TRPM1: variants seen among roughly 807,000 people sequenced by gnomAD.
TRPM1 encodes TRPM1-203 APA Isoform, Intron 10.
A neutral mutation model predicts 149.4 loss-of-function variants in TRPM1; 113 were observed. The ratio of observed to expected loss-of-function variants is 0.76; its 90% CI spans 0.65 to 0.88. TRPM1 has a LOEUF of 0.88. Ranked by LOEUF, TRPM1 falls within the 40% of genes least tolerant of loss-of-function variation. The pLI is 0.00. For missense variants in TRPM1, 1,976 were observed against 2,038.7 expected (o/e 0.97, Z 0.59); for synonymous variants, 741 against 759.5 (o/e 0.98, Z 0.40).
chr15:31,016,394 T>C (rs999511199), intron 27 of TRPM1, among the ~76,000 whole-genome samples: 3 of 152,332 alleles, frequency 2.0e-5, no homozygotes, highest in Non-Finnish European at 4.4e-5. Flanking sequence ...ATCAGGTTGA[T>C]TATCTTCCTT....
intron 20 of TRPM1, among the ~76,000 whole-genome samples, chr15:31,036,431 T>G (rs566231508): frequency 4.6e-5 from 7 of 151,080 alleles, no homozygotes; most frequent in African/African-American, 1.5e-4. Context: ...GGCAGTTTGG[T>G]TTTTTTTTCT....
At chr15:31,021,939 A>G (rs189032576) in intron 27 of TRPM1, among the ~76,000 whole-genome samples, 3 of 152,302 alleles carry the variant, frequency 2.0e-5, no homozygotes, top group African/African-American at 4.8e-5. Flanking sequence ...ATGGAGGTAG[A>G]CGATATAAAA....
At chr15:31,156,195 CAAAAAAAAAAAAA>C (rs35981768) in intron 1 of TRPM1, among the ~76,000 whole-genome samples, 17 of 36,638 alleles carry the variant, frequency 4.6e-4, no homozygotes, top group Admixed American at 1.9e-3. Flanking sequence ...AGACCTCTGT[CAAAAAAAAAAAAA>C]AAAAAAAAAA....
At chr15:31,070,394 TC>T in intron 3 of TRPM1, 168 bp from the exon 4 acceptor site, 1 of 729,072 alleles carries the variant, frequency 1.4e-6, no homozygotes, top group Non-Finnish European at 2.5e-6. Flanking sequence ...GATGGCCTTT[TC>T]CAGATAATCA....
intron 7 of TRPM1, 107 bp downstream of exon 7, chr15:31,065,969 G>A: frequency 7.3e-7 from 1 of 1,367,610 alleles, no homozygotes; most frequent in Non-Finnish European, 1.0e-6. Flanking sequence ...CTAACAAGAA[G>A]CAAGGTTAAT....
At chr15:31,148,681 G>A (rs1296532500) in intron 1 of TRPM1, among the ~76,000 whole-genome samples, 2 of 152,196 alleles carry the variant, frequency 1.3e-5, no homozygotes, top group Non-Finnish European at 2.9e-5. Context: ...CATCTGTGCA[G>A]ATAAGAACTC....
intron 27 of TRPM1, among the ~76,000 whole-genome samples, chr15:31,023,825 T>C (rs1435924329): frequency 6.6e-6 from 1 of 152,196 alleles, no homozygotes; most frequent in African/African-American, 2.4e-5. Flanking sequence ...CAATGCTGAA[T>C]CGTATTGCAA....
intron 11 of TRPM1, among the ~76,000 whole-genome samples, chr15:31,053,991 A>G (rs894346717): frequency 2.6e-5 from 4 of 152,228 alleles, no homozygotes; most frequent in African/African-American, 9.6e-5. Context: ...CAAAAGGACA[A>G]ATATTACATG....
At chr15:31,114,923 T>C (rs149599258) in intron 1 of TRPM1, among the ~76,000 whole-genome samples, 42 of 152,310 alleles carry the variant, frequency 2.8e-4, no homozygotes, top group African/African-American at 9.9e-4. Context: ...TGGATACCAA[T>C]TGTATAACAG....
rs111924951 is a variant in TRPM1 at position 31,160,670 on chromosome 15, G to A, written c.54+236C>T. ...CCTCCCGGGTTTGCCACAGCCACTC[G>A]AAGGTGGGAGCAACTGAGACCACAG... On this transcript the variant is annotated intron_variant, in intron 1 of 26. Coordinates refer to the TRPM1 transcript ENST00000542188. 6.6e-4 allele frequency among the ~76,000 whole-genome samples: 101 copies of A among 152,356 alleles called. 1 individual carries two copies. Among genetic ancestry groups the A allele is most frequent in the African/African-American group, 2.0e-3 (85 of 41,584 alleles).
At chr15:31,121,527 A>T (rs2035880237) in intron 1 of TRPM1, among the ~76,000 whole-genome samples, 1 of 152,178 alleles carries the variant, frequency 6.6e-6, no homozygotes, top group South Asian at 2.1e-4. Context: ...AAGGATAATA[A>T]AGGAATAACA....
chr15:31,080,879 G>A (rs892933393), intron 2 of TRPM1, among the ~76,000 whole-genome samples: 11 of 152,016 alleles, frequency 7.2e-5, no homozygotes, highest in African/African-American at 2.7e-4. Flanking sequence ...TAAAGCCCAG[G>A]CTCCGAGCGC....
intron 1 of TRPM1, among the ~76,000 whole-genome samples, chr15:31,088,969 C>G (rs941703427): frequency 2.0e-4 from 31 of 152,146 alleles, no homozygotes; most frequent in African/African-American, 7.5e-4. Flanking sequence ...GTGGGGCTCC[C>G]AGCACTTTCT....
At chr15:31,072,018 T>TATATAGAGAG (rs1400392427) in intron 3 of TRPM1, among the ~76,000 whole-genome samples, 5 of 36,906 alleles carry the variant, frequency 1.4e-4, no homozygotes, top group African/African-American at 4.5e-4. Context: ...TATATATATA[T>TATATAGAGAG]AGAGAGAGAG....
chr15:31,126,563 A>G (rs4779829), intron 1 of TRPM1, among the ~76,000 whole-genome samples: 84,261 of 152,084 alleles, frequency 0.55, 24,496 homozygotes, highest in African/African-American at 0.69. Flanking sequence ...TGGTGGCCAG[A>G]AGCTGGGAGG....
Position 31,027,735 on chromosome 15 carries a change from G to T in TRPM1, c.3293+597C>A, listed in dbSNP as rs540085987. Among the ~76,000 whole-genome samples, 67 of 152,248 alleles carry T rather than the reference G, an allele frequency of 4.4e-4. No individual in the cohort carries two copies. In the South Asian group the frequency reaches 0.014, roughly 31 times the overall value. ...CAATGCCCTGTTCAATTCTAAGATT[G>T]CATATTTCTGTGAAGGATTTTTCCC... On this transcript the variant is annotated intron_variant, in intron 25 of 27. Coordinates refer to ENST00000256552, the MANE Select transcript of TRPM1 (RefSeq NM_001252024.2).
intron 1 of TRPM1, 54 bp downstream of exon 1, chr15:31,101,603 A>G: frequency 8.3e-6 from 8 of 967,514 alleles, no homozygotes; most frequent in Non-Finnish European, 9.8e-6. Context: ...CCCACACCTG[A>G]GGATACCTGC....
intron 1 of TRPM1, among the ~76,000 whole-genome samples, chr15:31,108,637 G>A (rs979504639): frequency 2.0e-5 from 3 of 152,186 alleles, no homozygotes; most frequent in East Asian, 3.9e-4. Flanking sequence ...GGGATTACAG[G>A]CATGTGCCAC....
intron 9 of TRPM1, 37 bp downstream of exon 9, chr15:31,062,542 C>T: frequency 6.2e-7 from 1 of 1,613,150 alleles, no homozygotes; most frequent in South Asian, 1.1e-5. Flanking sequence ...TAATTCTCTC[C>T]ACAGAGCTTG....
Sources: gnomAD v4.1 joint callset for allele counts (sites outside exome capture counted in the v4.1 genomes callset) on GRCh38, gnomAD v4.1.1 for gene constraint, MANE v1.5 for transcripts, NCBI Gene and HGNC (gene_info 2026-07-23, HGNC 2026-07-21) for gene names.